TMPO: variants seen among roughly 807,000 people sequenced by gnomAD.
TMPO encodes the protein LEM domain containing 4.
Under a neutral mutation model 45.4 loss-of-function variants are expected in TMPO, and 22 were observed. That is an observed-to-expected ratio of 0.48 (90% confidence interval 0.35 to 0.69). The LOEUF (loss-of-function observed/expected upper bound fraction) is 0.69, where lower values mean the gene tolerates loss of function less well. Ranked by LOEUF, TMPO falls within the 30% of genes least tolerant of loss-of-function variation. TMPO has a pLI of 0.01. For synonymous variants in TMPO, 241 were observed against 204.1 expected (o/e 1.18, Z -1.54); for missense variants, 512 against 548.8 (o/e 0.93, Z 0.67).
chr12:98,535,654 A>T (rs544162654), intron 3 of TMPO: 3 of 985,472 alleles, frequency 3.0e-6, no homozygotes, highest in Non-Finnish European at 3.6e-6. Flanking sequence ...CTCCAGAAAC[A>T]TGTTGTTCTG....
intron 1 of TMPO, among the ~76,000 whole-genome samples, chr12:98,525,917 C>T (rs1202969381): frequency 6.6e-6 from 1 of 151,914 alleles, no homozygotes; most frequent in African/African-American, 2.4e-5. Context: ...GTAAAATTTA[C>T]TTTGATGTTG....
intron 1 of TMPO, among the ~76,000 whole-genome samples, chr12:98,521,099 A>AAT (rs1876321588): frequency 1.1e-5 from 1 of 93,016 alleles, no homozygotes; most frequent in African/African-American, 4.0e-5. Context: ...GTTTATGAGG[A>AAT]ATTTTTTTTT....
chr12:98,523,297 T>G (rs11109513), intron 1 of TMPO, among the ~76,000 whole-genome samples: 33,004 of 152,152 alleles, frequency 0.22, 4,627 homozygotes, highest in Non-Finnish European at 0.31. Flanking sequence ...CTCACACCTG[T>G]AATCCCAGCA....
intron 3 of TMPO, chr12:98,535,069 C>A: frequency 2.3e-6 from 2 of 878,422 alleles, no homozygotes; most frequent in Non-Finnish European, 1.4e-6. Context: ...TCTTCATTGA[C>A]TGGTAGCAAC....
intron 1 of TMPO, among the ~76,000 whole-genome samples, chr12:98,520,688 A>T (rs1268193570): frequency 6.6e-6 from 1 of 151,276 alleles, no homozygotes; most frequent in Non-Finnish European, 1.5e-5. Flanking sequence ...CAGTGGTGCA[A>T]TCTCGGCTCC....
At position 98,546,264 on chromosome 12, in the gene TMPO, ATTT is replaced by A. The variant is rs985797969; in HGVS notation, c.991-93_991-91del. 1.1e-5 allele frequency: 9 copies of A among 854,198 alleles called. No individual in the cohort carries two copies. The African/African-American group carries it at 1.3e-4, about 13-fold the overall frequency. The allele number at this position is 854,198 out of a possible 1,614,324, so 52.9% of individuals were successfully genotyped here. A position where few individuals can be genotyped will look rare whatever the true frequency, so the allele number is the denominator to read the frequency against. On this transcript the variant is annotated intron_variant, in intron 7 of 8. Transcript: ENST00000556029. ...TAAAATCTATGATAGATTTAAAGGC[ATTT>A]TGTTCTCTAAAACTTACTATTTATG...
Position 98,547,643 on chromosome 12 carries a change from G to A in TMPO, c.1150G>A (p.Glu384Lys), listed in dbSNP as rs1878305239. 5 of 1,614,204 alleles carry A rather than the reference G, an allele frequency of 3.1e-6. No individual in the cohort carries two copies. Among genetic ancestry groups the A allele is most frequent in the Middle Eastern group, 1.6e-4 (1 of 6,062 alleles). The change falls in exon 9 of 9, where the codon GAG becomes AAG. Residue 384 changes from glutamate to lysine, a missense_variant. By Grantham distance (56) the Glu-to-Lys change is moderately conservative (BLOSUM62 1). This residue lies in a region of TMPO where 209 missense variants were observed against 235.1 expected (regional missense o/e 0.89). Coordinates refer to ENST00000556029, the MANE Select transcript of TMPO (RefSeq NM_001032283.3). ...AGAACTCAGTGATTTCAGGATGGAG[G>A]AGTCTTTTTCATCTAAATATGTTCC... ...PLELSDFRME[E>K]SFSSKYVPKY...
chr12:98,545,121 A>ATTTG (rs1555205135), intron 7 of TMPO, 60 bp downstream of exon 7: 30 of 830,812 alleles, frequency 3.6e-5, no homozygotes, highest in Non-Finnish European at 5.1e-5. Flanking sequence ...AAATATAAAT[A>ATTTG]TTTGTTTGTT....
chr12:98,547,185 C>T (rs1427283947), intron 8 of TMPO, among the ~76,000 whole-genome samples: 1 of 151,572 alleles, frequency 6.6e-6, no homozygotes, highest in East Asian at 1.9e-4. Context: ...AAGCGATTCT[C>T]CTGCCTCAGC....
chr12:98,538,541 CGG>C (rs1833041409), intron 4 of TMPO, among the ~76,000 whole-genome samples: 1 of 152,022 alleles, frequency 6.6e-6, no homozygotes, highest in Non-Finnish European at 1.5e-5. Context: ...TTAGTAGAGA[CGG>C]GGTTTCACCG....
At chr12:98,524,794 G>T (rs111400590) in intron 1 of TMPO, among the ~76,000 whole-genome samples, 2 of 151,980 alleles carry the variant, frequency 1.3e-5, no homozygotes, top group Non-Finnish European at 2.9e-5. Flanking sequence ...GGGTTTCACC[G>T]TGTTGGCCAT....
chr12:98,531,894 C>A, intron 3 of TMPO, 56 bp downstream of exon 3: 1 of 1,483,838 alleles, frequency 6.7e-7, no homozygotes, highest in South Asian at 1.2e-5. Flanking sequence ...ACTCAAAATT[C>A]AGTGACCATG....
At chr12:98,521,801 C>T (rs1876389235) in intron 1 of TMPO, among the ~76,000 whole-genome samples, 1 of 152,180 alleles carries the variant, frequency 6.6e-6, no homozygotes, top group Admixed American at 6.5e-5. Context: ...GCGATCTCGG[C>T]TCACTGCAAC....
intron 4 of TMPO, among the ~76,000 whole-genome samples, chr12:98,539,102 A>C (rs1877746857): frequency 1.3e-5 from 2 of 152,092 alleles, no homozygotes; most frequent in African/African-American, 4.8e-5. Flanking sequence ...CCGGAGGCTG[A>C]GGCAGGAGAA....
chr12:98,540,919 T>C (rs562067114), intron 4 of TMPO, among the ~76,000 whole-genome samples: 93 of 152,356 alleles, frequency 6.1e-4, no homozygotes, highest in Non-Finnish European at 1.0e-3. Context: ...CCATCTGTTA[T>C]AAAGATCCAC....
At chr12:98,546,873 A>G (rs1420206615) in intron 8 of TMPO, among the ~76,000 whole-genome samples, 3 of 152,176 alleles carry the variant, frequency 2.0e-5, no homozygotes, top group Non-Finnish European at 4.4e-5. Context: ...AGTGAGAAAT[A>G]GTTTTTCCCC....
At chr12:98,518,785 T>C (rs1374121058) in intron 1 of TMPO, among the ~76,000 whole-genome samples, 4 of 152,146 alleles carry the variant, frequency 2.6e-5, no homozygotes, top group African/African-American at 9.7e-5. Flanking sequence ...TTTAAAACTT[T>C]GGGGATTTAA....
rs777700351 is a variant in TMPO at position 98,533,883 on chromosome 12, G to A, written c.565+2045G>A. 4 of 1,614,122 alleles carry A rather than the reference G, an allele frequency of 2.5e-6. No homozygotes were observed. In the South Asian group the frequency reaches 4.4e-5, roughly 18 times the overall value. Reference sequence around the variant, plus strand: ...CAAAAGTAGATGATGAAATCCTAGGGTTTATTTCTGAAGCCACTCCACTAG... The same window carrying A: ...CAAAAGTAGATGATGAAATCCTAGGATTTATTTCTGAAGCCACTCCACTAG... On this transcript the variant is annotated intron_variant, in intron 3 of 8. Transcript: ENST00000556029.
Position 98,516,145 on chromosome 12 carries a change from G to A in TMPO, c.278G>A (p.Arg93Lys), listed in dbSNP as rs1555201635. The change falls in exon 1 of 9, where the codon AGG (arginine) becomes AAG (lysine). Residue 93 changes from arginine to lysine, a missense_variant and splice_region_variant. Physicochemically the swap from Arg to Lys is conservative, Grantham distance 26. Transcript: ENST00000556029. ...AAGRSRAAVG[R>K]KATKKTDKPR... ...GGCCGGAGCCGAGCAGCCGTCGGCAGGGTAAGGACGCGGGGCCGGGGCTAC... is the reference window on the plus strand; with the variant it reads ...GGCCGGAGCCGAGCAGCCGTCGGCAAGGTAAGGACGCGGGGCCGGGGCTAC... The A allele has an allele frequency of 7.0e-7, 1 of 1,419,082 alleles. No individual in the cohort carries two copies. The highest frequency in any genetic ancestry group is 9.1e-7 in the Non-Finnish European group (1 of 1,094,038). The allele number at this position is 1,419,082 out of a possible 1,614,324, so 87.9% of individuals were successfully genotyped here.
Sources: allele counts gnomAD v4.1 joint callset (sites outside exome capture counted in the v4.1 genomes callset), GRCh38; gene constraint gnomAD v4.1.1; regional missense constraint gnomAD v4.1.1; transcripts MANE v1.5; gene names NCBI Gene and HGNC (gene_info 2026-07-23, HGNC 2026-07-21).